Variants in CABYR observed in about 807,000 individuals in gnomAD.
CABYR encodes calcium binding tyrosine phosphorylation regulated.
A neutral mutation model predicts 36.1 loss-of-function variants in CABYR; 31 were observed. The ratio of observed to expected loss-of-function variants is 0.86; its 90% confidence interval spans 0.64 to 1.16. CABYR has a LOEUF of 1.16. Among genes scored for constraint, CABYR ranks in the 50% most tolerant of loss-of-function variants. CABYR has a pLI of 0.00. For synonymous variants in CABYR, 146 were observed against 160.7 expected (o/e 0.91, Z 0.69); for missense variants, 429 against 455.8 (o/e 0.94, Z 0.53).
At position 24,155,760 on chromosome 18, in the gene CABYR, G is replaced by A. The variant is rs1156612527; in HGVS notation, c.259G>A (p.Gly87Arg). 1 of 1,613,300 alleles carries A rather than the reference G, an allele frequency of 6.2e-7. No homozygotes were observed. The highest frequency in any genetic ancestry group is 1.3e-5 in the African/African-American group (1 of 74,796). The change falls in exon 4 of 6, where the codon GGA becomes AGA. Residue 87 changes from glycine to arginine, a missense_variant. Transcript: ENST00000399496. ...QKKLECLKEP[G>R]KTSVESKVPT... ...GAAATTAGAATGTTTAAAAGAACCA[G>A]GAAAAACATCTGTAGAATCTAAAGT...
chr18:24,156,410 T>C, intron 4 of CABYR: 1 of 1,614,232 alleles, frequency 6.2e-7, no homozygotes, highest in Non-Finnish European at 8.5e-7. Context: ...TGCCTGTGAC[T>C]GAAGGAGTTG....
chr18:24,156,512 G>C, intron 4 of CABYR: 1 of 1,613,994 alleles, frequency 6.2e-7, no homozygotes, highest in Non-Finnish European at 8.5e-7. Flanking sequence ...AAGAAAATGA[G>C]CAGTCACCAC....
chr18:24,139,979 G>C (rs1183598942), intron 1 of CABYR: 1 of 150,856 alleles, frequency 6.6e-6, no homozygotes, highest in Non-Finnish European at 1.5e-5. Flanking sequence ...ACCCAGGCTG[G>C]AGTGCAGTGG....
chr18:24,152,514 C>T (rs2085668657), intron 3 of CABYR: 1 of 152,148 alleles, frequency 6.6e-6, no homozygotes, highest in Non-Finnish European at 1.5e-5. Context: ...GTTAAGGATT[C>T]ATAATTATAA....
At chr18:24,151,545 C>G (rs1043904142) in intron 3 of CABYR, among the ~76,000 whole-genome samples, 7 of 152,140 alleles carry the variant, frequency 4.6e-5, no homozygotes, top group East Asian at 3.8e-4. Context: ...TAGAGAAAAG[C>G]TTTTTACCCT....
At chr18:24,143,034 A>C (rs1189031126) in intron 1 of CABYR, 57 bp from the exon 2 acceptor site, 14 of 1,313,062 alleles carry the variant, frequency 1.1e-5, no homozygotes, top group African/African-American at 6.0e-5. Flanking sequence ...AAAAAAAAAA[A>C]AAAAAAAACC....
intron 4 of CABYR, chr18:24,156,345 C>T: frequency 1.2e-6 from 2 of 1,614,196 alleles, no homozygotes; most frequent in Non-Finnish European, 1.7e-6. Context: ...GGTCACTTTG[C>T]AGGCTGATAT....
In CABYR at chr18:24,143,103, C is replaced by T. The variant is rs1277969623; in HGVS notation, c.-12C>T. 3 of 1,578,344 alleles carry T rather than the reference C, an allele frequency of 1.9e-6. No individual in the cohort carries two copies. The highest frequency in any genetic ancestry group is 2.6e-6 in the Non-Finnish European group (3 of 1,164,318). On this transcript the variant is annotated 5_prime_UTR_variant, in exon 2 of 6. Transcript: ENST00000399496. ...TTCTTCATTCTAGTTGAGTTACAGA[C>T]ATCCTGCCAAAATGATTTCTTCAAA...
intron 3 of CABYR, 111 bp from the exon 4 acceptor site, chr18:24,155,590 G>C (rs1369812150): frequency 6.1e-6 from 5 of 813,952 alleles, no homozygotes; most frequent in Non-Finnish European, 7.6e-6. Context: ...CCAAAGTCCT[G>C]GGATTACAGG....
At chr18:24,144,532 G>T (rs2085412722) in intron 3 of CABYR, among the ~76,000 whole-genome samples, 1 of 152,210 alleles carries the variant, frequency 6.6e-6, no homozygotes, top group South Asian at 2.1e-4. Flanking sequence ...GGAGGCTGAG[G>T]CGGGAGGAGG....
rs778788388 is a variant in CABYR, at chr18:24,159,762, G to A, written c.832G>A (p.Gly278Arg). The change falls in exon 5 of 6, where the codon GGA becomes AGA. Residue 278 changes from glycine to arginine, a missense_variant. Gly to Arg is a moderately radical substitution (Grantham distance 125). Coordinates refer to ENST00000399496, the MANE Select transcript of CABYR (RefSeq NM_153769.3). ...AGCACAGGGATGGAAACCTCTTCCT[G>A]GACATGCTGTCGTTTCACAGTCAGA... ...QEAQGWKPLP[G>R]HAVVSQSDVL... is the part of the protein sequence containing the mutation. 8 of 1,613,816 alleles carry A rather than the reference G, an allele frequency of 5.0e-6. No homozygotes were observed. The highest frequency in any genetic ancestry group is 2.7e-5 in the African/African-American group (2 of 74,866).
At chr18:24,158,214 G>A (rs1344762170) in intron 4 of CABYR, among the ~76,000 whole-genome samples, 1 of 151,932 alleles carries the variant, frequency 6.6e-6, no homozygotes, top group Non-Finnish European at 1.5e-5. Context: ...GACAGCTGAA[G>A]ACCTGGCTTG....
At chr18:24,152,049 T>C (rs2085652864) in intron 3 of CABYR, among the ~76,000 whole-genome samples, 1 of 152,168 alleles carries the variant, frequency 6.6e-6, no homozygotes, top group Non-Finnish European at 1.5e-5. Context: ...CAGTTTTTAA[T>C]TATGAAAAAG....
chr18:24,140,081 ACGCCC>A (rs2085268660), intron 1 of CABYR: 1 of 151,568 alleles, frequency 6.6e-6, no homozygotes, highest in African/African-American at 2.4e-5. Flanking sequence ...ACCCGCCACC[ACGCCC>A]GGCTGATTTT....
intron 3 of CABYR, among the ~76,000 whole-genome samples, chr18:24,151,672 T>C (rs1360898885): frequency 1.3e-5 from 2 of 150,520 alleles, no homozygotes; most frequent in East Asian, 2.0e-4. Context: ...AGCCAAATGG[T>C]TGATCTAGTG....
At chr18:24,144,984 C>G (rs2085425511) in intron 3 of CABYR, among the ~76,000 whole-genome samples, 1 of 152,208 alleles carries the variant, frequency 6.6e-6, no homozygotes, top group Admixed American at 6.5e-5. Flanking sequence ...TTCAGTCTGT[C>G]CTACCTTTGT....
At chr18:24,145,869 C>T (rs1377834766) in intron 3 of CABYR, among the ~76,000 whole-genome samples, 6 of 152,204 alleles carry the variant, frequency 3.9e-5, no homozygotes, top group Admixed American at 6.5e-5. Context: ...AAAGGTCATA[C>T]ACTCTGAATG....
intron 3 of CABYR, among the ~76,000 whole-genome samples, chr18:24,145,385 A>AC (rs2085434475): frequency 6.6e-6 from 1 of 152,188 alleles, no homozygotes; most frequent in Admixed American, 6.5e-5. Context: ...GGACTTCTAG[A>AC]AATTCAGCCC....
chr18:24,159,445 T>G (rs769642763), intron 4 of CABYR, 27 bp from the exon 5 acceptor site: 3 of 1,575,636 alleles, frequency 1.9e-6, no homozygotes, highest in Non-Finnish European at 2.6e-6. Context: ...ACCAAAACTT[T>G]AATTCCTGCA....
Sources: gnomAD v4.1 joint callset for allele counts (sites outside exome capture counted in the v4.1 genomes callset) on GRCh38, gnomAD v4.1.1 for gene constraint, MANE v1.5 for transcripts, NCBI Gene and HGNC (gene_info 2026-07-23, HGNC 2026-07-21) for gene names.